The following PIAS1 variants were observed in gnomAD, a reference collection of about 807,000 sequenced individuals.
PIAS1 encodes protein inhibitor of activated STAT 1, also known as E3 SUMO-protein ligase PIAS1.
A neutral mutation model predicts 71.3 loss-of-function variants in PIAS1; 6 were observed. The observed-to-expected ratio is 0.08, with a 90% CI of 0.05 to 0.17. PIAS1 has a LOEUF of 0.17. Ranked by LOEUF, PIAS1 falls within the 10% of genes least tolerant of loss-of-function variation. The pLI is 1.00. For synonymous variants in PIAS1, 303 were observed against 292.9 expected, an observed-to-expected ratio of 1.03 and a Z score of -0.35; for missense variants, 555 against 793.6, an observed-to-expected ratio of 0.70 and a Z score of 3.61.
At chr15:68,103,592 AC>A (rs2092446312) in intron 2 of PIAS1, among the ~76,000 whole-genome samples, 1 of 152,238 alleles carries the variant, frequency 6.6e-6, no homozygotes, top group Admixed American at 6.5e-5. Context: ...GAGCCTCTCT[AC>A]CCATTATCAA....
intron 2 of PIAS1, among the ~76,000 whole-genome samples, chr15:68,104,768 C>T (rs535723032): frequency 1.3e-5 from 2 of 152,140 alleles, no homozygotes; most frequent in Non-Finnish European, 2.9e-5. Flanking sequence ...AATCATTGCA[C>T]ATTGTATGCA....
At chr15:68,113,329 A>G (rs1166014563) in intron 2 of PIAS1, among the ~76,000 whole-genome samples, 1 of 152,206 alleles carries the variant, frequency 6.6e-6, no homozygotes, top group South Asian at 2.1e-4. Flanking sequence ...GAATGCTTGC[A>G]TTAACAACAA....
Position 68,128,937 on chromosome 15 carries a change from T to G in PIAS1, c.470-13009T>G, listed in dbSNP as rs1029803031. ...TAAAATAGAAATAATTTTTTTTCTC[T>G]TGGAAAACTAAAAGACATGGATAAA... On this transcript the variant is annotated intron_variant, in intron 2 of 13. Coordinates refer to ENST00000249636, the MANE Select transcript of PIAS1 (RefSeq NM_016166.3). Among the ~76,000 whole-genome samples the G allele has an allele frequency of 6.6e-5, 10 of 152,158 alleles. No homozygotes were observed. In the East Asian group the frequency reaches 1.7e-3, roughly 26 times the overall value.
chr15:68,085,722 C>G (rs1486440874), intron 1 of PIAS1, among the ~76,000 whole-genome samples: 2 of 152,104 alleles, frequency 1.3e-5, no homozygotes, highest in African/African-American at 4.8e-5. Flanking sequence ...TAATGACATT[C>G]CATGTGAAAA....
chr15:68,118,778 C>T lies in PIAS1; in HGVS notation c.470-23168C>T, dbSNP rs552642537. On this transcript the variant is annotated intron_variant, in intron 2 of 13. Coordinates refer to ENST00000249636, the MANE Select transcript of PIAS1 (RefSeq NM_016166.3). ...TATCTGCTAGCCGTATGTATGTCTT[C>T]TTTTAAGAAATATCTAAATTCAAAG... Among the ~76,000 whole-genome samples the T allele has an allele frequency of 2.6e-5, 4 of 152,168 alleles. No homozygotes were observed. In the South Asian group the frequency reaches 6.2e-4, roughly 24 times the overall value.
rs1275806379 is a variant in PIAS1 at position 68,174,174 on chromosome 15, C to G, written c.1169+282C>G. ...GCTTTTAAGCAGGGTGTGCTTATACCTTTTCCTTTTCCTGTCATTAGTCCA... is the reference window on the plus strand; with the variant it reads ...GCTTTTAAGCAGGGTGTGCTTATACGTTTTCCTTTTCCTGTCATTAGTCCA... On this transcript the variant is annotated intron_variant, in intron 9 of 13. Transcript: ENST00000249636. The surrounding 1 kb of genome is among the most constrained non-coding windows in gnomAD (Gnocchi z 4.0). 2.6e-5 allele frequency among the ~76,000 whole-genome samples: 4 copies of G among 152,182 alleles called. No homozygotes were observed. Among genetic ancestry groups the G allele is most frequent in the African/African-American group, 9.7e-5 (4 of 41,444 alleles).
At chr15:68,182,524 T>C (rs1378705682) in intron 12 of PIAS1, among the ~76,000 whole-genome samples, 5 of 149,852 alleles carry the variant, frequency 3.3e-5, no homozygotes, top group African/African-American at 9.9e-5. Context: ...TGTCGGAGTT[T>C]TGCTCTTATT....
At chr15:68,129,285 C>G (rs2029421) in intron 2 of PIAS1, among the ~76,000 whole-genome samples, 72,508 of 151,948 alleles carry the variant, frequency 0.48, 18,146 homozygotes, top group Non-Finnish European at 0.56. Flanking sequence ...CCAGGCTGCT[C>G]TCAAATTCCT....
chr15:68,081,836 A>C (rs2092232346), intron 1 of PIAS1, among the ~76,000 whole-genome samples: 1 of 152,086 alleles, frequency 6.6e-6, no homozygotes, highest in South Asian at 2.1e-4. Context: ...ATTGTAAGAA[A>C]ACTTCCCAGA....
At chr15:68,056,316 CCTT>C (rs1232397835) in intron 1 of PIAS1, among the ~76,000 whole-genome samples, 1 of 152,188 alleles carries the variant, frequency 6.6e-6, no homozygotes, top group Non-Finnish European at 1.5e-5. Context: ...TGAGAGATTT[CCTT>C]CTTTGTTCTT....
rs546510798 is a variant in PIAS1, at chr15:68,081,074, T to C, written c.25-5232T>C. On this transcript the variant is annotated intron_variant, in intron 1 of 13. Coordinates refer to ENST00000249636, the MANE Select transcript of PIAS1 (RefSeq NM_016166.3). ...TTGCTTGTTGACGTTGTTTGAGTAT[T>C]GTCTGTATTTATCTTTCTCAGAACA... Among the ~76,000 whole-genome samples the C allele has an allele frequency of 1.1e-4, 16 of 152,368 alleles. No individual in the cohort carries two copies. In the South Asian group the frequency reaches 3.3e-3, roughly 32 times the overall value.
At position 68,054,511 on chromosome 15, in the gene PIAS1, C is replaced by T. The variant is rs2091872937; in HGVS notation, c.24+161C>T. ...GCGCCCGGTCTCAGCAGAGGGGGCC[C>T]GCCTGCGGCGGGCCGCGGGCCCCGG... On this transcript the variant is annotated intron_variant, in intron 1 of 13. Transcript: ENST00000249636. This position sits in a 1 kb window ranked among gnomAD's most constrained non-coding sequence, Gnocchi z 4.6. 6 of 610,306 alleles carry T rather than the reference C, an allele frequency of 9.8e-6. No homozygotes were observed. The highest frequency in any genetic ancestry group is 9.1e-5 in the South Asian group (3 of 32,868). The allele number at this position is 610,306 out of a possible 1,614,324, so 37.8% of individuals were successfully genotyped here.
chr15:68,182,425 AGTGTGTGTGT>A (rs10532167), intron 12 of PIAS1, among the ~76,000 whole-genome samples: 3 of 123,336 alleles, frequency 2.4e-5, no homozygotes, highest in South Asian at 2.8e-4. Context: ...AGTTACAGCT[AGTGTGTGTGT>A]GTGTGTGTGT....
At chr15:68,128,237 C>G (rs2092665880) in intron 2 of PIAS1, among the ~76,000 whole-genome samples, 1 of 152,152 alleles carries the variant, frequency 6.6e-6, no homozygotes, top group African/African-American at 2.4e-5. Context: ...CCAATCACAG[C>G]TCATTGCAGT....
intron 2 of PIAS1, among the ~76,000 whole-genome samples, chr15:68,088,176 G>GTGTGTATATATA (rs150997979): frequency 1.2e-4 from 9 of 73,008 alleles, no homozygotes; most frequent in African/African-American, 5.0e-4. Context: ...TTATGTGTGT[G>GTGTGTATATATA]TATATATATA....
chr15:68,181,718 TG>T, intron 12 of PIAS1: 1 of 175,942 alleles, frequency 5.7e-6, no homozygotes, highest in Non-Finnish European at 1.2e-5. Context: ...CTCTGTTGCC[TG>T]GGCTGGAGTG....
chr15:68,085,455 C>T (rs1326856929), intron 1 of PIAS1, among the ~76,000 whole-genome samples: 1 of 152,154 alleles, frequency 6.6e-6, no homozygotes, highest in African/African-American at 2.4e-5. Context: ...CAGCCTCATG[C>T]ATTATGGCAT....
intron 2 of PIAS1, among the ~76,000 whole-genome samples, chr15:68,090,927 GGTGTGTGT>G (rs10667510): frequency 1.5e-4 from 21 of 142,852 alleles, no homozygotes; most frequent in African/African-American, 4.7e-4. Context: ...GTCATTTACG[GGTGTGTGT>G]GTGTGTGTGT....
intron 1 of PIAS1, among the ~76,000 whole-genome samples, chr15:68,075,078 C>CTTTTTTTTTTTTTTTT: frequency 1.2e-5 from 1 of 81,784 alleles, no homozygotes; most frequent in Non-Finnish European, 2.4e-5. Flanking sequence ...TTCTTTCTTT[C>CTTTTTTTTTTTTTTTT]TTTTTTTTTT....
Sources: gnomAD v4.1 joint callset for allele counts (sites outside exome capture counted in the v4.1 genomes callset) on GRCh38, gnomAD v4.1.1 for gene constraint, Gnocchi (gnomAD v3.1) non-coding constraint, MANE v1.5 for transcripts, NCBI Gene and HGNC (gene_info 2026-07-23, HGNC 2026-07-21) for gene names.